The following CTNND2 variants were observed in gnomAD, a reference collection of about 807,000 sequenced individuals.
CTNND2 encodes the protein catenin delta-2.
Under a neutral mutation model 144.4 loss-of-function variants are expected in CTNND2, and 22 were observed. That is an observed-to-expected ratio of 0.15 (90% confidence interval 0.11 to 0.22). The LOEUF (loss-of-function observed/expected upper bound fraction) is 0.22. CTNND2 is among the 10% of genes least tolerant of loss of function. The pLI is 1.00. For missense variants in CTNND2, 1,353 were observed against 1,618.8 expected (o/e 0.84, Z 2.82); for synonymous variants, 751 against 695.6 (o/e 1.08, Z -1.25).
intron 15 of CTNND2, among the ~76,000 whole-genome samples, chr5:11,096,803 C>CAGAGAGAGAG (rs375930798): frequency 1.0e-4 from 15 of 148,994 alleles, no homozygotes; most frequent in South Asian, 4.2e-4. Flanking sequence ...GAGAGAGAGA[C>CAGAGAGAGAG]AGAGAGAGAG....
chr5:11,211,683 T>C (rs1182185357), intron 10 of CTNND2, among the ~76,000 whole-genome samples: 1 of 152,220 alleles, frequency 6.6e-6, no homozygotes, highest in Non-Finnish European at 1.5e-5. Flanking sequence ...TCTATGTTAC[T>C]GGCATGACAA....
chr5:11,025,291 G>C (rs780922813), intron 16 of CTNND2, among the ~76,000 whole-genome samples: 3 of 152,116 alleles, frequency 2.0e-5, no homozygotes, highest in Non-Finnish European at 4.4e-5. Flanking sequence ...TTTAGCCTTT[G>C]ATTATGTGTT....
intron 14 of CTNND2, among the ~76,000 whole-genome samples, chr5:11,107,956 C>A (rs908339049): frequency 1.3e-5 from 2 of 152,166 alleles, no homozygotes; most frequent in Non-Finnish European, 2.9e-5. Context: ...AGGCATTGGG[C>A]TAGAAGTCAC....
At chr5:11,537,161 T>C (rs1774284364) in intron 3 of CTNND2, among the ~76,000 whole-genome samples, 1 of 152,046 alleles carries the variant, frequency 6.6e-6, no homozygotes, top group Non-Finnish European at 1.5e-5. Flanking sequence ...ATTGACTCTT[T>C]TTATAGATAC....
chr5:11,000,333 C>A (rs917036182), intron 18 of CTNND2, among the ~76,000 whole-genome samples: 4 of 152,136 alleles, frequency 2.6e-5, no homozygotes, highest in African/African-American at 9.7e-5. Flanking sequence ...CCAGCCTGAC[C>A]AACAGGGTGA....
intron 1 of CTNND2, among the ~76,000 whole-genome samples, chr5:11,794,168 C>T (rs933716615): frequency 6.6e-6 from 1 of 152,230 alleles, no homozygotes; most frequent in Non-Finnish European, 1.5e-5. Context: ...AAGCTTCCAA[C>T]ATTAATTCTC....
chr5:11,655,473 A>T lies in CTNND2; in HGVS notation c.174+76663T>A, dbSNP rs111353133. On this transcript the variant is annotated intron_variant, in intron 2 of 21. Coordinates refer to ENST00000304623, the MANE Select transcript of CTNND2 (RefSeq NM_001332.4). Reference sequence around the variant, plus strand: ...CTCTCCACAACATGGATATCTCACAATTGGCATTCGTAAAGTAAAAGAACA... The same window carrying T: ...CTCTCCACAACATGGATATCTCACATTTGGCATTCGTAAAGTAAAAGAACA... 3.8e-3 allele frequency among the ~76,000 whole-genome samples: 582 copies of T among 152,198 alleles called. 6 individuals carry two copies. The highest frequency in any genetic ancestry group is 0.013 in the African/African-American group (548 of 41,540).
At chr5:11,868,725 G>A (rs1311839926) in intron 1 of CTNND2, among the ~76,000 whole-genome samples, 1 of 152,070 alleles carries the variant, frequency 6.6e-6, no homozygotes. Flanking sequence ...GAGTGGGACT[G>A]ATGGCTTTGT....
chr5:11,201,375 T>G (rs1156990860), intron 10 of CTNND2, among the ~76,000 whole-genome samples: 1 of 152,074 alleles, frequency 6.6e-6, no homozygotes, highest in African/African-American at 2.4e-5. Flanking sequence ...ATATCCCTCT[T>G]TAAAGACAAC....
intron 10 of CTNND2, among the ~76,000 whole-genome samples, chr5:11,202,965 T>G (rs1289398774): frequency 6.6e-6 from 1 of 152,070 alleles, no homozygotes; most frequent in Non-Finnish European, 1.5e-5. Flanking sequence ...CCATCACGTC[T>G]GGCTAATTTT....
At chr5:11,465,509 GACAA>G (rs1766587916) in intron 3 of CTNND2, among the ~76,000 whole-genome samples, 1 of 152,164 alleles carries the variant, frequency 6.6e-6, no homozygotes, top group South Asian at 2.1e-4. Context: ...GAATTAGGCA[GACAA>G]ACAAAAGTGA....
intron 12 of CTNND2, among the ~76,000 whole-genome samples, chr5:11,154,459 T>C (rs1473042914): frequency 1.3e-5 from 2 of 152,184 alleles, no homozygotes; most frequent in African/African-American, 4.8e-5. Context: ...GGAATGGCCT[T>C]GTGCACAAAG....
At chr5:11,260,810 AC>A (rs2149953934) in intron 9 of CTNND2, among the ~76,000 whole-genome samples, 1 of 152,362 alleles carries the variant, frequency 6.6e-6, no homozygotes, top group Admixed American at 6.5e-5. Context: ...GGTGACAAGG[AC>A]AACCATCTTA....
chr5:11,780,967 G>A (rs1010275670), intron 1 of CTNND2, among the ~76,000 whole-genome samples: 6 of 152,156 alleles, frequency 3.9e-5, no homozygotes, highest in East Asian at 3.9e-4. Context: ...TTATTTACCC[G>A]ATAAAGTGCT....
rs546778535 is a variant in CTNND2 at position 11,671,675 on chromosome 5, G to A, written c.174+60461C>T. Among the ~76,000 whole-genome samples, 22 of 151,804 alleles carry A rather than the reference G, an allele frequency of 1.4e-4. No homozygotes were observed. In the South Asian group the frequency reaches 1.9e-3, roughly 13 times the overall value. The stretch of plus-strand genomic sequence containing the variant: ...AACTGGATATTCTAGTTAGCAATTC[G>A]TCTAACCTTTTTTCAAGGTTCTTAG... On this transcript the variant is annotated intron_variant, in intron 2 of 21. Coordinates refer to ENST00000304623, the MANE Select transcript of CTNND2 (RefSeq NM_001332.4).
intron 16 of CTNND2, among the ~76,000 whole-genome samples, chr5:11,040,077 C>CA (rs532759094): frequency 3.7e-3 from 560 of 151,298 alleles, no homozygotes; most frequent in Middle Eastern, 0.017. Context: ...AGCAAACAAA[C>CA]AAAAAAAACT....
intron 19 of CTNND2, among the ~76,000 whole-genome samples, chr5:10,991,827 GTA>G (rs887700275): frequency 6.6e-6 from 1 of 152,234 alleles, no homozygotes; most frequent in African/African-American, 2.4e-5. Flanking sequence ...TGTGTCAAAT[GTA>G]TATCACACTG....
intron 3 of CTNND2, among the ~76,000 whole-genome samples, chr5:11,417,776 C>T (rs998444501): frequency 5.9e-5 from 9 of 152,172 alleles, no homozygotes; most frequent in Admixed American, 2.0e-4. Context: ...ACCTAATCAC[C>T]CAGGAATTTT....
chr5:11,591,194 T>G (rs534382760), intron 2 of CTNND2, among the ~76,000 whole-genome samples: 1 of 152,306 alleles, frequency 6.6e-6, no homozygotes, highest in Non-Finnish European at 1.5e-5. Flanking sequence ...CTCACCATCA[T>G]TCTCTGTGAA....
Sources: gnomAD v4.1 joint callset for allele counts (sites outside exome capture counted in the v4.1 genomes callset) on GRCh38, gnomAD v4.1.1 for gene constraint, MANE v1.5 for transcripts, NCBI Gene and HGNC (gene_info 2026-07-23, HGNC 2026-07-21) for gene names.